Variants in CA10 observed in about 807,000 individuals in gnomAD.
CA10 encodes the protein carbonic anhydrase-related protein 10.
CA10 carries 14 observed loss-of-function variants against 44.2 expected under a neutral mutation model. That is an observed-to-expected ratio of 0.32 (90% CI 0.21 to 0.50). The LOEUF (loss-of-function observed/expected upper bound fraction) is 0.50. Ranked by LOEUF, CA10 falls within the 20% of genes least tolerant of loss-of-function variation. The pLI is 0.99. For synonymous variants in CA10, 159 were observed against 141.6 expected, an observed-to-expected ratio of 1.12 and a Z score of -0.87; for missense variants, 350 against 409.7, an observed-to-expected ratio of 0.85 and a Z score of 1.26.
intron 1 of CA10, among the ~76,000 whole-genome samples, chr17:52,121,409 G>GA (rs1043077371): frequency 9.4e-5 from 14 of 149,390 alleles, no homozygotes; most frequent in Non-Finnish European, 1.8e-4. Context: ...GCTTAAAAAA[G>GA]AAAAAAAAAG....
chr17:51,820,412 C>G lies in CA10; in HGVS notation c.280-72594G>C, dbSNP rs1475915540. 1.2e-3 allele frequency among the ~76,000 whole-genome samples: 109 copies of G among 94,592 alleles called. 7 individuals are homozygous for G. The highest frequency in any genetic ancestry group is 1.9e-3 in the Non-Finnish European group (87 of 46,902). 62.1% of individuals were successfully genotyped at this position (94,592 alleles called of 152,430 possible). The stretch of plus-strand genomic sequence containing the variant: ...AAACCTGGGGATTCCCCTACCCCCC[C>G]CCCCCCGCCCGCCGATTTTCCTGTA... On this transcript the variant is annotated intron_variant, in intron 3 of 8. Coordinates refer to ENST00000451037, the MANE Select transcript of CA10 (RefSeq NM_020178.5).
intron 1 of CA10, among the ~76,000 whole-genome samples, 193 bp downstream of exon 1, chr17:52,157,533 C>G (rs1048658623): frequency 1.4e-5 from 2 of 145,182 alleles, no homozygotes; most frequent in Admixed American, 6.8e-5. Context: ...CTAACCACCC[C>G]CCCCCGCAAA....
At chr17:51,765,158 A>C (rs1352649505) in intron 3 of CA10, among the ~76,000 whole-genome samples, 1 of 152,046 alleles carries the variant, frequency 6.6e-6, no homozygotes. Context: ...TTGGGGGGAG[A>C]AGGGGTGGGA....
intron 2 of CA10, among the ~76,000 whole-genome samples, chr17:52,017,726 A>C (rs935126794): frequency 4.6e-5 from 7 of 152,128 alleles, no homozygotes; most frequent in Non-Finnish European, 8.8e-5. Context: ...TTTCAGGAGA[A>C]TAGACCAAGC....
At chr17:51,765,083 A>C (rs1905323832) in intron 3 of CA10, among the ~76,000 whole-genome samples, 1 of 152,232 alleles carries the variant, frequency 6.6e-6, no homozygotes, top group South Asian at 2.1e-4. Context: ...GGTGCTAATG[A>C]GCAGAATAAG....
intron 2 of CA10, among the ~76,000 whole-genome samples, chr17:51,938,369 A>C (rs1463152610): frequency 6.6e-6 from 1 of 152,112 alleles, no homozygotes; most frequent in African/African-American, 2.4e-5. Flanking sequence ...TCCAGGCAGA[A>C]GGGTACAGGG....
At chr17:51,778,865 C>T (rs893938284) in intron 3 of CA10, among the ~76,000 whole-genome samples, 11 of 152,260 alleles carry the variant, frequency 7.2e-5, no homozygotes, top group African/African-American at 2.4e-4. Flanking sequence ...AACTGCTTAG[C>T]GGAAACTGCT....
At chr17:51,838,294 C>T (rs1017978555) in intron 3 of CA10, among the ~76,000 whole-genome samples, 2 of 152,180 alleles carry the variant, frequency 1.3e-5, no homozygotes, top group Non-Finnish European at 2.9e-5. Flanking sequence ...TCAGCATTAA[C>T]CTATGTCTTT....
chr17:51,676,392 C>A (rs1914627501), intron 4 of CA10, among the ~76,000 whole-genome samples: 1 of 152,160 alleles, frequency 6.6e-6, no homozygotes, highest in Non-Finnish European at 1.5e-5. Context: ...CTCCTCTACC[C>A]CACTCTGATT....
intron 3 of CA10, among the ~76,000 whole-genome samples, chr17:51,752,336 T>C (rs1240632483): frequency 3.3e-5 from 5 of 151,754 alleles, no homozygotes; most frequent in Admixed American, 6.6e-5. Context: ...GAAAAAGTTA[T>C]ATTATACAGA....
chr17:52,144,838 A>T (rs527681836), intron 1 of CA10, among the ~76,000 whole-genome samples: 1 of 152,318 alleles, frequency 6.6e-6, no homozygotes, highest in East Asian at 1.9e-4. Flanking sequence ...TATCAAGTGC[A>T]TTCTATATGC....
intron 4 of CA10, among the ~76,000 whole-genome samples, chr17:51,719,007 T>C (rs925795510): frequency 1.3e-5 from 2 of 152,180 alleles, no homozygotes; most frequent in African/African-American, 4.8e-5. Context: ...CCAAAATTGG[T>C]CACACTTTCC....
At chr17:51,942,554 A>G (rs894569322) in intron 2 of CA10, among the ~76,000 whole-genome samples, 1 of 138,360 alleles carries the variant, frequency 7.2e-6, no homozygotes, top group Non-Finnish European at 1.6e-5. Context: ...ATATATATAT[A>G]TCTGTCATCT....
chr17:51,936,397 G>A (rs1356781969), intron 2 of CA10, among the ~76,000 whole-genome samples: 2 of 152,124 alleles, frequency 1.3e-5, no homozygotes, highest in Non-Finnish European at 2.9e-5. Context: ...AGAAAACCTA[G>A]GTAGCATGGT....
At chr17:51,817,490 A>G (rs1452535078) in intron 3 of CA10, among the ~76,000 whole-genome samples, 1 of 152,156 alleles carries the variant, frequency 6.6e-6, no homozygotes, top group East Asian at 1.9e-4. Flanking sequence ...GCCTGGGAGG[A>G]TGCTACCCTC....
chr17:51,876,864 C>T, intron 3 of CA10, among the ~76,000 whole-genome samples: 1 of 152,164 alleles, frequency 6.6e-6, no homozygotes, highest in East Asian at 1.9e-4. Context: ...TCCAATTGTT[C>T]TGTATCTTTG....
At chr17:51,812,408 T>C (rs949909592) in intron 3 of CA10, among the ~76,000 whole-genome samples, 4 of 152,228 alleles carry the variant, frequency 2.6e-5, no homozygotes, top group Non-Finnish European at 5.9e-5. Context: ...AGTGTCATCA[T>C]GTTGCTGTGA....
intron 1 of CA10, among the ~76,000 whole-genome samples, chr17:52,083,346 C>T (rs1988031905): frequency 6.6e-6 from 1 of 152,064 alleles, no homozygotes; most frequent in South Asian, 2.1e-4. Context: ...TACATGGCAC[C>T]CTGGGGTTAA....
intron 2 of CA10, among the ~76,000 whole-genome samples, chr17:52,001,253 G>T (rs1985415726): frequency 6.6e-6 from 1 of 151,992 alleles, no homozygotes; most frequent in Non-Finnish European, 1.5e-5. Flanking sequence ...GGCCTGTGTG[G>T]CTTGCAAACC....
Sources: gnomAD v4.1 joint callset for allele counts (sites outside exome capture counted in the v4.1 genomes callset) on GRCh38, gnomAD v4.1.1 for gene constraint, MANE v1.5 for transcripts, NCBI Gene and HGNC (gene_info 2026-07-23, HGNC 2026-07-21) for gene names.